MYT1L: variants seen among roughly 807,000 people sequenced by gnomAD.
MYT1L encodes myelin transcription factor 1-like protein.
In MYT1L, 12 loss-of-function variants were observed where a neutral mutation model predicts 126.7. The ratio of observed to expected loss-of-function variants is 0.09; its 90% CI spans 0.06 to 0.15. The LOEUF is 0.15. Among genes scored for constraint, MYT1L ranks in the 10% least tolerant of loss-of-function variants. The probability of loss-of-function intolerance (pLI) is 1.00; values close to 1 mark genes in which losing one functional copy is unlikely to be tolerated. For synonymous variants in MYT1L, 541 were observed against 604.2 expected, an observed-to-expected ratio of 0.90 and a Z score of 1.53; for missense variants, 979 against 1,585.2, an observed-to-expected ratio of 0.62 and a Z score of 6.49.
At chr2:2,321,063 C>A (rs149199678) in intron 1 of MYT1L, among the ~76,000 whole-genome samples, 18 of 152,292 alleles carry the variant, frequency 1.2e-4, no homozygotes, top group African/African-American at 4.3e-4. Context: ...ATATATTTTA[C>A]AAAATAGCAT....
intron 4 of MYT1L, among the ~76,000 whole-genome samples, chr2:2,052,674 A>G (rs2068977871): frequency 6.6e-6 from 1 of 152,224 alleles, no homozygotes. Context: ...AAAGATGCTT[A>G]ACACCACTAA....
Position 1,791,569 on chromosome 2 carries a change from A to G in MYT1L, c.*298T>C, listed in dbSNP as rs1422215283. ...AATTTACACTCTATTTATTTTGATC[A>G]GCTTACCTCTTCAGAAATAGATATA... On this transcript the variant is annotated 3_prime_UTR_variant, in exon 25 of 25. Transcript: ENST00000647738. The surrounding 1 kb of genome is among the most constrained non-coding windows in gnomAD (Gnocchi z 6.0). The G allele has an allele frequency of 2.3e-5, 9 of 383,076 alleles. No individual in the cohort carries two copies. Among genetic ancestry groups the G allele is most frequent in the Non-Finnish European group, 4.3e-5 (9 of 209,900 alleles). The allele number at this position is 383,076 out of a possible 1,614,324, so 23.7% of individuals were successfully genotyped here.
chr2:2,164,268 C>T (rs1373400851), intron 3 of MYT1L, among the ~76,000 whole-genome samples: 1 of 151,972 alleles, frequency 6.6e-6, no homozygotes, highest in East Asian at 1.9e-4. Flanking sequence ...GAACCCTCTT[C>T]CTCTTTCCCT....
At chr2:2,303,068 G>A (rs2095807731) in intron 1 of MYT1L, among the ~76,000 whole-genome samples, 1 of 151,502 alleles carries the variant, frequency 6.6e-6, no homozygotes, top group African/African-American at 2.4e-5. Context: ...TTAAAAATGG[G>A]AAAAAAAACA....
intron 2 of MYT1L, among the ~76,000 whole-genome samples, chr2:2,207,552 A>G (rs906941620): frequency 2.0e-5 from 3 of 152,188 alleles, no homozygotes; most frequent in Admixed American, 1.3e-4. Context: ...CAAACGCTGT[A>G]CCTTCTGGAA....
chr2:2,275,101 T>A (rs1186551906), intron 2 of MYT1L, among the ~76,000 whole-genome samples: 1 of 151,816 alleles, frequency 6.6e-6, no homozygotes, highest in East Asian at 1.9e-4. Context: ...AGAGTGCTGG[T>A]GGTTGGATGT....
intron 3 of MYT1L, among the ~76,000 whole-genome samples, chr2:2,123,672 G>T (rs987165617): frequency 2.6e-5 from 4 of 152,294 alleles, no homozygotes; most frequent in Middle Eastern, 3.4e-3. Flanking sequence ...TTCCTGTACA[G>T]CCTGTGGAAC....
chr2:2,094,054 C>G (rs922776494), intron 3 of MYT1L, among the ~76,000 whole-genome samples: 2 of 152,156 alleles, frequency 1.3e-5, no homozygotes, highest in Admixed American at 1.3e-4. Flanking sequence ...GTCTATATCT[C>G]TATTTCAGTA....
chr2:2,235,192 G>A (rs1300865939), intron 2 of MYT1L, among the ~76,000 whole-genome samples: 3 of 152,212 alleles, frequency 2.0e-5, no homozygotes, highest in African/African-American at 4.8e-5. Context: ...TAGCTGGTTA[G>A]CTGGTTGGTG....
At chr2:2,242,735 T>G (rs892310781) in intron 2 of MYT1L, among the ~76,000 whole-genome samples, 1 of 152,154 alleles carries the variant, frequency 6.6e-6, no homozygotes, top group Non-Finnish European at 1.5e-5. Context: ...GGGCCACAGA[T>G]AGTTTTTGGT....
intron 13 of MYT1L, among the ~76,000 whole-genome samples, chr2:1,903,903 T>C (rs1444096451): frequency 6.6e-6 from 1 of 152,182 alleles, no homozygotes; most frequent in Non-Finnish European, 1.5e-5. Flanking sequence ...CACTGGGTCA[T>C]TGCTCACTCA....
chr2:1,902,974 T>A, intron 14 of MYT1L, 106 bp downstream of exon 14: 9 of 1,038,900 alleles, frequency 8.7e-6, no homozygotes, highest in South Asian at 1.4e-5. Flanking sequence ...TTGGTACCCA[T>A]TGAGTGACCA....
At chr2:2,226,721 A>G (rs2094020230) in intron 2 of MYT1L, among the ~76,000 whole-genome samples, 1 of 152,074 alleles carries the variant, frequency 6.6e-6, no homozygotes, top group Non-Finnish European at 1.5e-5. Flanking sequence ...CCTGAGACCC[A>G]GCCCAGAGCA....
Position 2,279,568 on chromosome 2 carries a change from T to TGAATGAAG in MYT1L, c.-421+4835_-421+4836insCTTCATTC, listed in dbSNP as rs1553619877. Among the ~76,000 whole-genome samples, 4 of 145,094 alleles carry TGAATGAAG rather than the reference T, an allele frequency of 2.8e-5. No individual in the cohort carries two copies. The East Asian group carries it at 6.1e-4, about 22-fold the overall frequency. The stretch of plus-strand genomic sequence containing the variant: ...GAGAAAGAGAGAAGGAATGAATGAA[T>TGAATGAAG]GAAGGAAGGAAGGAAGGAAGGAAGG... On this transcript the variant is annotated intron_variant, in intron 2 of 24. Coordinates refer to ENST00000647738, the MANE Select transcript of MYT1L (RefSeq NM_001303052.2).
intron 2 of MYT1L, among the ~76,000 whole-genome samples, chr2:2,239,115 A>G (rs1213602416): frequency 6.6e-6 from 1 of 152,244 alleles, no homozygotes; most frequent in Non-Finnish European, 1.5e-5. Context: ...TACAAAAGCA[A>G]TGGCAATTCG....
At position 2,268,485 on chromosome 2, in the gene MYT1L, CA is replaced by C. The variant is rs372241945; in HGVS notation, c.-421+15918del. On this transcript the variant is annotated intron_variant, in intron 2 of 24. Coordinates refer to ENST00000647738, the MANE Select transcript of MYT1L (RefSeq NM_001303052.2). The stretch of plus-strand genomic sequence containing the variant: ...CCACAAATAGCCTATGAAAATTATT[CA>C]TAAATTTCTTATCCTAAAAATAGTA... 1.8e-3 allele frequency among the ~76,000 whole-genome samples: 277 copies of C among 152,162 alleles called. 2 individuals are homozygous for C. Among genetic ancestry groups the C allele is most frequent in the African/African-American group, 6.2e-3 (258 of 41,510 alleles).
rs1258165052 is a variant in MYT1L, at chr2:1,923,248, T to G, written c.521A>C (p.Asn174Thr). The G allele has an allele frequency of 6.3e-7, 1 of 1,591,196 alleles. No individual in the cohort carries two copies. The highest frequency in any genetic ancestry group is 1.1e-5 in the South Asian group (1 of 88,822). Reference protein sequence around the residue: ...EEEENEDHQMNCHNTRIMQDT... With the variant: ...EEEENEDHQMTCHNTRIMQDT... ...TTGCATTATTCGAGTATTGTGACAA[T>G]TCATTTGATGGTCTTCTGCAAAGAA... The change falls in exon 10 of 25, where the codon AAT becomes ACT. Residue 174 changes from asparagine (N) to threonine (T), a missense_variant. By Grantham distance (65) the Asn-to-Thr change is moderately conservative (BLOSUM62 0). Coordinates refer to ENST00000647738, the MANE Select transcript of MYT1L (RefSeq NM_001303052.2).
rs774855494 is a variant in MYT1L at position 2,244,930 on chromosome 2, G to A, written c.-421+39474C>T. Among the ~76,000 whole-genome samples, 3 of 152,176 alleles carry A rather than the reference G, an allele frequency of 2.0e-5. No homozygotes were observed. In the South Asian group the frequency reaches 6.2e-4, roughly 31 times the overall value. ...GAGGTCCTTATTAGAATAAAGATAT[G>A]GAGAAAAGCTATTTTCCCTTTAGAA... On this transcript the variant is annotated intron_variant, in intron 2 of 24. Transcript: ENST00000647738.
At chr2:2,003,390 G>A (rs2062604038) in intron 4 of MYT1L, among the ~76,000 whole-genome samples, 1 of 152,022 alleles carries the variant, frequency 6.6e-6, no homozygotes, top group Non-Finnish European at 1.5e-5. Flanking sequence ...AACAACCCAG[G>A]CCCCCAGTCC....
Sources: gnomAD v4.1 joint callset for allele counts (sites outside exome capture counted in the v4.1 genomes callset) on GRCh38, gnomAD v4.1.1 for gene constraint, Gnocchi (gnomAD v3.1) non-coding constraint, MANE v1.5 for transcripts, NCBI Gene and HGNC (gene_info 2026-07-23, HGNC 2026-07-21) for gene names.